SHANK2: variants seen among roughly 807,000 people sequenced by gnomAD.
The protein encoded by SHANK2 is SH3 and multiple ankyrin repeat domains 2.
A neutral mutation model predicts 133.7 loss-of-function variants in SHANK2; 43 were observed. The ratio of observed to expected loss-of-function variants is 0.32; its 90% CI spans 0.25 to 0.41. The LOEUF (loss-of-function observed/expected upper bound fraction) is 0.41, where lower values mean the gene tolerates loss of function less well. Among genes scored for constraint, SHANK2 ranks in the 10% least tolerant of loss-of-function variants. SHANK2 has a pLI of 1.00. For missense variants in SHANK2, 1,994 were observed against 2,235.8 expected (o/e 0.89, Z 2.18); for synonymous variants, 1,017 against 952.8 (o/e 1.07, Z -1.24).
In SHANK2 at chr11:70,944,663, ACCT is replaced by A. The variant is rs1269332123; in HGVS notation, c.1108-48099_1108-48097del. 2.4e-4 allele frequency among the ~76,000 whole-genome samples: 36 copies of A among 152,024 alleles called. 1 individual carries two copies. In the Middle Eastern group the frequency reaches 0.024, roughly 101 times the overall value. On this transcript the variant is annotated intron_variant, in intron 10 of 25. Transcript: ENST00000601538. ...ATTCCCTGAGTTCTGAGCTTTTAGGACCTCCATCCTGCCTGGGGGTGTCTTCTC... is the reference window on the plus strand; with the variant it reads ...ATTCCCTGAGTTCTGAGCTTTTAGGACCATCCTGCCTGGGGGTGTCTTCTC...
At chr11:70,726,146 G>A (rs1555030609) in intron 14 of SHANK2, among the ~76,000 whole-genome samples, 1 of 152,140 alleles carries the variant, frequency 6.6e-6, no homozygotes, top group East Asian at 1.9e-4. Flanking sequence ...TTAGGGATGG[G>A]TGCCTCTTTT....
intron 17 of SHANK2, among the ~76,000 whole-genome samples, chr11:70,553,792 C>T (rs532077178): frequency 2.0e-5 from 3 of 152,350 alleles, no homozygotes; most frequent in South Asian, 4.1e-4. Context: ...GGGTTGAAGT[C>T]AGGATGTGTG....
chr11:71,157,098 T>A (rs1451812450), intron 2 of SHANK2, among the ~76,000 whole-genome samples: 1 of 152,164 alleles, frequency 6.6e-6, no homozygotes, highest in Admixed American at 6.5e-5. Context: ...ACATGTACCC[T>A]AGAACTTAAA....
At chr11:70,606,992 T>C (rs1268249322) in intron 17 of SHANK2, among the ~76,000 whole-genome samples, 2 of 152,182 alleles carry the variant, frequency 1.3e-5, no homozygotes, top group African/African-American at 4.8e-5. Context: ...GACAGGTGCC[T>C]GGAGGGGCAG....
intron 10 of SHANK2, chr11:70,942,660 G>A (rs78618018): frequency 0.024 from 10,829 of 456,826 alleles, 982 homozygotes; most frequent in African/African-American, 0.19. Context: ...TGAACTTGAG[G>A]ATTTACATTC....
chr11:70,950,841 T>C (rs1950824103), intron 10 of SHANK2, among the ~76,000 whole-genome samples: 1 of 151,932 alleles, frequency 6.6e-6, no homozygotes. Flanking sequence ...TGTTTTGTTT[T>C]GGTTTTTTTG....
At position 70,535,495 on chromosome 11, in the gene SHANK2, C is replaced by T. The variant is rs551631603; in HGVS notation, c.2062-32564G>A. ...CCATCCATCCATCCATCCATCCATC[C>T]GTCCGTCCGTCCATCTATTCATCCA... is the stretch of plus-strand genomic sequence containing the variant. On this transcript the variant is annotated intron_variant, in intron 17 of 25. Coordinates refer to ENST00000601538, the MANE Select transcript of SHANK2 (RefSeq NM_012309.5). The surrounding 1 kb of genome is among the most constrained non-coding windows in gnomAD (Gnocchi z 4.3). 5.9e-5 allele frequency among the ~76,000 whole-genome samples: 9 copies of T among 152,044 alleles called. No homozygotes were observed. Among genetic ancestry groups the T allele is most frequent in the African/African-American group, 1.7e-4 (7 of 41,360 alleles).
chr11:71,100,652 A>C (rs1325333519), intron 6 of SHANK2, among the ~76,000 whole-genome samples: 2 of 152,186 alleles, frequency 1.3e-5, no homozygotes, highest in East Asian at 3.9e-4. Context: ...GCAGATCATG[A>C]GGTCAGGAGA....
chr11:70,619,706 C>T (rs1022416693), intron 17 of SHANK2, among the ~76,000 whole-genome samples: 4 of 152,112 alleles, frequency 2.6e-5, no homozygotes, highest in South Asian at 4.1e-4. Context: ...GCAGTGATAA[C>T]GCCTCAGGGC....
chr11:70,798,592 G>T (rs1555049773), intron 13 of SHANK2, 36 bp from the exon 14 acceptor site: 4 of 717,522 alleles, frequency 5.6e-6, no homozygotes. Context: ...GTTAGCAGGG[G>T]GGACGTGGAG....
At position 71,119,044 on chromosome 11, in the gene SHANK2, G is replaced by A; in HGVS notation, c.208-12C>T. 1 of 1,551,138 alleles carries A rather than the reference G, an allele frequency of 6.4e-7. No homozygotes were observed. Among genetic ancestry groups the A allele is most frequent in the Non-Finnish European group, 8.7e-7 (1 of 1,146,644 alleles). ...AATCGAATGCATTTCTGCCAGGAAG[G>A]ACAAAGACAGCTGATGAGTGACAGA... On this transcript the variant is annotated splice_polypyrimidine_tract_variant and intron_variant, in intron 3 of 25. Coordinates refer to ENST00000601538, the MANE Select transcript of SHANK2 (RefSeq NM_012309.5).
intron 14 of SHANK2, among the ~76,000 whole-genome samples, chr11:70,746,982 T>G (rs1555036302): frequency 3.4e-5 from 1 of 29,094 alleles, no homozygotes; most frequent in Non-Finnish European, 6.9e-5. Flanking sequence ...CTCCCCTCCC[T>G]CCATCCCTGC....
intron 8 of SHANK2, among the ~76,000 whole-genome samples, chr11:71,082,945 C>G (rs1232994564): frequency 1.0e-4 from 14 of 140,172 alleles, no homozygotes; most frequent in Non-Finnish European, 1.7e-4. Flanking sequence ...TAACGCCCGC[C>G]CCCCCCCCAA....
At chr11:70,541,891 C>T (rs1052302932) in intron 17 of SHANK2, among the ~76,000 whole-genome samples, 1 of 152,224 alleles carries the variant, frequency 6.6e-6, no homozygotes, top group Non-Finnish European at 1.5e-5. Context: ...GGAAGGCAGC[C>T]TGCAGTTCTC....
At chr11:70,501,852 G>T in intron 20 of SHANK2, 71 bp downstream of exon 20, 1 of 1,499,990 alleles carries the variant, frequency 6.7e-7, no homozygotes, top group Non-Finnish European at 9.1e-7. Context: ...GGCCTGGGCT[G>T]AGGTGGATGT....
chr11:70,576,373 G>A lies in SHANK2; in HGVS notation c.2062-73442C>T, dbSNP rs538365289. ...TTAGAGTCAAAAAACCCACACTCATGCCTGTAATCCCAGCACTTTGGGAGG... is the reference window on the plus strand; with the variant it reads ...TTAGAGTCAAAAAACCCACACTCATACCTGTAATCCCAGCACTTTGGGAGG... On this transcript the variant is annotated intron_variant, in intron 17 of 25. Transcript: ENST00000601538. Among the ~76,000 whole-genome samples, 22 of 152,220 alleles carry A rather than the reference G, an allele frequency of 1.4e-4. 1 individual carries two copies. The South Asian group carries it at 4.3e-3, about 30-fold the overall frequency.
At chr11:70,671,095 T>C (rs1944794636) in intron 15 of SHANK2, among the ~76,000 whole-genome samples, 1 of 152,216 alleles carries the variant, frequency 6.6e-6, no homozygotes, top group Non-Finnish European at 1.5e-5. Flanking sequence ...ACAAAGAACT[T>C]GATTCAAATT....
intron 11 of SHANK2, among the ~76,000 whole-genome samples, chr11:70,827,721 ACACACAC>A: frequency 7.1e-6 from 1 of 141,416 alleles, no homozygotes; most frequent in Non-Finnish European, 1.6e-5. Context: ...ACACACACAC[ACACACAC>A]AACCAGAGAA....
At chr11:71,110,899 T>A (rs1389682332) in intron 5 of SHANK2, among the ~76,000 whole-genome samples, 1 of 152,170 alleles carries the variant, frequency 6.6e-6, no homozygotes, top group Non-Finnish European at 1.5e-5. Context: ...CTTTGGGAGG[T>A]GACGAAGTCA....
Sources: gnomAD v4.1 joint callset for allele counts (sites outside exome capture counted in the v4.1 genomes callset) on GRCh38, gnomAD v4.1.1 for gene constraint, Gnocchi (gnomAD v3.1) non-coding constraint, MANE v1.5 for transcripts, NCBI Gene and HGNC (gene_info 2026-07-23, HGNC 2026-07-21) for gene names.